TMEFF1: variants seen among roughly 807,000 people sequenced by gnomAD.
TMEFF1 encodes tomoregulin-1.
In TMEFF1, 20 loss-of-function variants were observed where a neutral mutation model predicts 47.5. The ratio of observed to expected loss-of-function variants is 0.42; its 90% CI spans 0.30 to 0.61. TMEFF1 has a LOEUF of 0.61. Ranked by LOEUF, TMEFF1 falls within the 20% of genes least tolerant of loss-of-function variation. The pLI, the probability that TMEFF1 is intolerant of heterozygous loss-of-function variation, is 0.19. For missense variants in TMEFF1, 411 were observed against 471.1 expected (o/e 0.87, Z 1.18); for synonymous variants, 162 against 166.3 (o/e 0.97, Z 0.20).
chr9:100,498,576 G>A (rs1259500933), intron 1 of TMEFF1, among the ~76,000 whole-genome samples, 189 bp from the exon 2 acceptor site: 1 of 152,038 alleles, frequency 6.6e-6, no homozygotes, highest in Non-Finnish European at 1.5e-5. Flanking sequence ...GCAGGATTCT[G>A]TTTGGGGAAT....
intron 2 of TMEFF1, among the ~76,000 whole-genome samples, chr9:100,507,221 T>C (rs928777718): frequency 6.6e-6 from 1 of 152,224 alleles, no homozygotes; most frequent in African/African-American, 2.4e-5. Context: ...TAGTATTCCT[T>C]GGTGTATATA....
intron 1 of TMEFF1, among the ~76,000 whole-genome samples, chr9:100,488,135 A>G (rs571998119): frequency 6.6e-6 from 1 of 152,316 alleles, no homozygotes; most frequent in East Asian, 1.9e-4. Context: ...AATGAAGGAA[A>G]TGTATTGAGT....
chr9:100,496,105 T>C (rs1385175156), intron 1 of TMEFF1, among the ~76,000 whole-genome samples: 1 of 152,242 alleles, frequency 6.6e-6, no homozygotes, highest in East Asian at 1.9e-4. Context: ...TCGTTTTTAG[T>C]GAAAATCATT....
intron 8 of TMEFF1, among the ~76,000 whole-genome samples, chr9:100,564,730 A>G (rs1839089548): frequency 6.6e-6 from 1 of 152,210 alleles, no homozygotes; most frequent in African/African-American, 2.4e-5. Context: ...AGCAATGATG[A>G]GATCAAATCT....
intron 9 of TMEFF1, among the ~76,000 whole-genome samples, chr9:100,575,151 A>G (rs371542469): frequency 6.6e-6 from 1 of 152,274 alleles, no homozygotes; most frequent in East Asian, 1.9e-4. Context: ...GTTTTTAAGT[A>G]TCTCTCCCAC....
intron 7 of TMEFF1, among the ~76,000 whole-genome samples, chr9:100,560,315 C>A (rs1331152546): frequency 6.6e-6 from 1 of 151,954 alleles, no homozygotes; most frequent in Non-Finnish European, 1.5e-5. Flanking sequence ...TATGAAGTCT[C>A]AGGTTTAAGA....
At chr9:100,573,633 A>T (rs1318692054) in intron 9 of TMEFF1, among the ~76,000 whole-genome samples, 3 of 152,100 alleles carry the variant, frequency 2.0e-5, no homozygotes, top group African/African-American at 7.2e-5. Context: ...GGGTTGAAGC[A>T]TATCAAATAC....
intron 5 of TMEFF1, among the ~76,000 whole-genome samples, chr9:100,535,743 GAC>G (rs1196881089): frequency 6.6e-6 from 1 of 152,212 alleles, no homozygotes; most frequent in East Asian, 1.9e-4. Flanking sequence ...CAGCCTGAAC[GAC>G]AGAGTGAGAC....
chr9:100,480,536 G>C (rs761092334), intron 1 of TMEFF1, among the ~76,000 whole-genome samples: 1 of 152,142 alleles, frequency 6.6e-6, no homozygotes, highest in Non-Finnish European at 1.5e-5. Flanking sequence ...AAACAGAGTG[G>C]AGAAACCCTG....
chr9:100,526,096 T>C (rs983368271), intron 5 of TMEFF1, among the ~76,000 whole-genome samples: 2 of 152,348 alleles, frequency 1.3e-5, no homozygotes, highest in African/African-American at 2.4e-5. Context: ...TTCAGAACTT[T>C]GCAAGTGCAT....
chr9:100,484,977 A>G (rs1000893260), intron 1 of TMEFF1, among the ~76,000 whole-genome samples: 3 of 152,192 alleles, frequency 2.0e-5, no homozygotes, highest in Non-Finnish European at 4.4e-5. Context: ...AACCCTGGCC[A>G]TGATTTACTA....
rs1485585561 is a variant in TMEFF1 at position 100,473,783 on chromosome 9, G to T, written c.196+43G>T. ...CGGCCCTAGGTCTTCCCACCCCTCC[G>T]TTGCCGCCTCCCTCGTGGTCCCTGC... is the stretch of plus-strand genomic sequence containing the variant. On this transcript the variant is annotated intron_variant, in intron 1 of 9. Coordinates refer to ENST00000374879, the MANE Select transcript of TMEFF1 (RefSeq NM_003692.5). This position sits in a 1 kb window ranked among gnomAD's most constrained non-coding sequence, Gnocchi z 5.4. 1.4e-6 allele frequency: 2 copies of T among 1,433,444 alleles called. No individual in the cohort carries two copies. The highest frequency in any genetic ancestry group is 2.9e-5 in the East Asian group (1 of 34,696). 88.8% of individuals were successfully genotyped at this position (1,433,444 alleles called of 1,614,324 possible). A position where few individuals can be genotyped will look rare whatever the true frequency, so the allele number is the denominator to read the frequency against.
At chr9:100,554,944 T>G (rs1838888815) in intron 7 of TMEFF1, among the ~76,000 whole-genome samples, 3 of 152,110 alleles carry the variant, frequency 2.0e-5, no homozygotes. Context: ...ATGCTTTATT[T>G]TGGTTGTACA....
chr9:100,483,500 A>AAAACAAACAAACAAAC (rs57384867), intron 1 of TMEFF1, among the ~76,000 whole-genome samples: 34 of 150,608 alleles, frequency 2.3e-4, no homozygotes, highest in East Asian at 1.4e-3. Flanking sequence ...AACATCTCAA[A>AAAACAAACAAACAAAC]AAACAAACAA....
At chr9:100,554,130 T>A (rs1838875007) in intron 7 of TMEFF1, among the ~76,000 whole-genome samples, 1 of 152,178 alleles carries the variant, frequency 6.6e-6, no homozygotes, top group Admixed American at 6.5e-5. Context: ...TGAGCCTCAT[T>A]AGTCTCTCCT....
intron 5 of TMEFF1, 73 bp downstream of exon 5, chr9:100,516,844 A>G (rs1350303319): frequency 1.1e-5 from 17 of 1,524,274 alleles, no homozygotes; most frequent in Non-Finnish European, 1.5e-5. Context: ...GTGGAAAGGT[A>G]TCATTTACCT....
At chr9:100,544,594 C>T (rs1391431754) in intron 5 of TMEFF1, among the ~76,000 whole-genome samples, 7 of 152,158 alleles carry the variant, frequency 4.6e-5, no homozygotes, top group Non-Finnish European at 1.0e-4. Context: ...CATATCATTC[C>T]CCTGCTTGCC....
chr9:100,474,114 G>A (rs1837173906), intron 1 of TMEFF1, among the ~76,000 whole-genome samples: 1 of 144,098 alleles, frequency 6.9e-6, no homozygotes, highest in Non-Finnish European at 1.5e-5. Context: ...AGGGAGGGCG[G>A]CCCCAGGCAG....
chr9:100,521,695 C>T (rs1197520839), intron 5 of TMEFF1, among the ~76,000 whole-genome samples: 1 of 152,232 alleles, frequency 6.6e-6, no homozygotes, highest in African/African-American at 2.4e-5. Flanking sequence ...CGACCTAAAT[C>T]CCTGCCCAGG....
Sources: gnomAD v4.1 joint callset for allele counts (sites outside exome capture counted in the v4.1 genomes callset) on GRCh38, gnomAD v4.1.1 for gene constraint, Gnocchi (gnomAD v3.1) non-coding constraint, MANE v1.5 for transcripts, NCBI Gene and HGNC (gene_info 2026-07-23, HGNC 2026-07-21) for gene names.